The following ATP6V1A variants were observed in gnomAD, a reference collection of about 807,000 sequenced individuals.
ATP6V1A encodes the protein ATPase H+ transporting V1 subunit A.
Under a neutral mutation model 70.1 loss-of-function variants are expected in ATP6V1A, and 18 were observed. That is an observed-to-expected ratio of 0.26 (90% CI 0.18 to 0.38). The LOEUF is 0.38. Ranked by LOEUF, ATP6V1A falls within the 10% of genes least tolerant of loss-of-function variation. The pLI is 1.00. For missense variants in ATP6V1A, 424 were observed against 772.4 expected (o/e 0.55, Z 5.35); for synonymous variants, 232 against 253.8 (o/e 0.91, Z 0.82).
chr3:113,751,426 A>ATT (rs1458457323), intron 1 of ATP6V1A, among the ~76,000 whole-genome samples: 1 of 151,778 alleles, frequency 6.6e-6, no homozygotes, highest in African/African-American at 2.4e-5. Context: ...TGTCTTAAGG[A>ATT]AAGATTTTAT....
intron 6 of ATP6V1A, among the ~76,000 whole-genome samples, chr3:113,786,703 CTTTTCTGGAAAAATTAAA>C (rs983691502): frequency 6.7e-5 from 10 of 150,242 alleles, no homozygotes; most frequent in Non-Finnish European, 1.5e-4. Context: ...ATTTCTGAAA[CTTTTCTGGAAAAATTAAA>C]TTTTCTGAAG....
intron 2 of ATP6V1A, among the ~76,000 whole-genome samples, chr3:113,779,853 T>A (rs773487351): frequency 2.0e-4 from 31 of 152,324 alleles, no homozygotes; most frequent in South Asian, 6.2e-4. Context: ...TATTTTATTT[T>A]AAAAATTTTT....
In ATP6V1A at chr3:113,781,134, G is replaced by T; in HGVS notation, c.167G>T (p.Arg56Leu). 1.2e-6 allele frequency: 2 copies of T among 1,613,764 alleles called. No homozygotes were observed. The highest frequency in any genetic ancestry group is 1.1e-5 in the South Asian group (1 of 91,058). The stretch of plus-strand genomic sequence containing the variant: ...AGCGAATTGGTTGGAGAGATTATTC[G>T]ATTGGAGGGTGACATGGCTACTATT... ...GHSELVGEII[R>L]LEGDMATIQV... Residue 56 changes from arginine to leucine, a missense_variant, in exon 3 of 15, where the codon CGA (arginine) becomes CTA (leucine). Physicochemically the swap from Arg to Leu is moderately radical, Grantham distance 102. Transcript: ENST00000273398.
chr3:113,782,062 T>C (rs1018063784), intron 3 of ATP6V1A, among the ~76,000 whole-genome samples: 66 of 152,340 alleles, frequency 4.3e-4, no homozygotes, highest in African/African-American at 1.5e-3. Context: ...TGCTTCTATA[T>C]GTGTTTTACT....
chr3:113,760,997 G>T (rs374725030), intron 1 of ATP6V1A, among the ~76,000 whole-genome samples: 129 of 151,784 alleles, frequency 8.5e-4, no homozygotes, highest in African/African-American at 2.9e-3. Context: ...AATCCGGGAG[G>T]GGGAGGTTGC....
intron 1 of ATP6V1A, among the ~76,000 whole-genome samples, chr3:113,750,661 C>T (rs1171798914): frequency 6.6e-6 from 1 of 152,114 alleles, no homozygotes; most frequent in African/African-American, 2.4e-5. Context: ...AGTTTTCTCA[C>T]GTTTAAATCT....
In ATP6V1A at chr3:113,803,641, A is replaced by G; in HGVS notation, c.1553A>G (p.Asp518Gly). The change falls in exon 13 of 15, where the codon GAT becomes GGT. Residue 518 changes from aspartate (D) to glycine (G), a missense_variant. By Grantham distance (94) the Asp-to-Gly change is moderately conservative. Coordinates refer to ENST00000273398, the MANE Select transcript of ATP6V1A (RefSeq NM_001690.4). ...GAGGTAGCAAAACTTATCAAAGATG[A>G]TTTCCTACAACAAAATGGATATACT... ...TLEVAKLIKD[D>G]FLQQNGYTPY... 1 of 1,611,328 alleles carries G rather than the reference A, an allele frequency of 6.2e-7. No individual in the cohort carries two copies. The highest frequency in any genetic ancestry group is 8.5e-7 in the Non-Finnish European group (1 of 1,177,818).
intron 3 of ATP6V1A, among the ~76,000 whole-genome samples, chr3:113,782,874 G>T (rs143000163): frequency 1.3e-5 from 2 of 151,604 alleles, no homozygotes; most frequent in African/African-American, 4.8e-5. Context: ...CACCTGCCCC[G>T]GCCTCCCAAG....
At chr3:113,808,061 T>G (rs1709296790) in intron 14 of ATP6V1A, among the ~76,000 whole-genome samples, 1 of 146,300 alleles carries the variant, frequency 6.8e-6, no homozygotes. Context: ...GCCCGGGAGG[T>G]GGAGGTTGCG....
At chr3:113,797,394 C>T (rs1371707699) in intron 11 of ATP6V1A, among the ~76,000 whole-genome samples, 2 of 151,776 alleles carry the variant, frequency 1.3e-5, no homozygotes, top group Non-Finnish European at 2.9e-5. Flanking sequence ...GCTGGCATTA[C>T]AGGCATGCGC....
intron 1 of ATP6V1A, among the ~76,000 whole-genome samples, chr3:113,774,310 A>G (rs115659491): frequency 7.5e-4 from 115 of 152,324 alleles, no homozygotes; most frequent in African/African-American, 2.7e-3. Flanking sequence ...TGGACACTTT[A>G]GAAAAAAGGC....
chr3:113,770,596 T>G (rs1203914175), intron 1 of ATP6V1A, among the ~76,000 whole-genome samples: 2 of 152,010 alleles, frequency 1.3e-5, no homozygotes, highest in African/African-American at 2.4e-5. Context: ...CAAGAATCGC[T>G]TGAACCCGGA....
In ATP6V1A at chr3:113,809,360, A is replaced by C. The variant is rs778486139; in HGVS notation, c.1787A>C (p.Lys596Thr). Residue 596 changes from lysine to threonine, a missense_variant, in exon 15 of 15, where the codon AAG (lysine) becomes ACG (threonine). Coordinates refer to ENST00000273398, the MANE Select transcript of ATP6V1A (RefSeq NM_001690.4). ...GATCCACTGAAAGATGGTGAGGCAA[A>C]GATCAAAAGCGACTATGCACAACTT... is the stretch of plus-strand genomic sequence containing the variant. ...FKDPLKDGEAKIKSDYAQLLE... is the reference protein window; with the variant it reads ...FKDPLKDGEATIKSDYAQLLE... 4.3e-6 allele frequency: 7 copies of C among 1,613,614 alleles called. No individual in the cohort carries two copies. In the Admixed American group the frequency reaches 1.0e-4, roughly 23 times the overall value.
At chr3:113,771,523 C>T (rs1291286734) in intron 1 of ATP6V1A, among the ~76,000 whole-genome samples, 8 of 150,458 alleles carry the variant, frequency 5.3e-5, no homozygotes, top group Non-Finnish European at 1.2e-4. Flanking sequence ...CTGCAAGCTC[C>T]GCCTCCCGGG....
At chr3:113,762,737 A>G (rs576686931) in intron 1 of ATP6V1A, among the ~76,000 whole-genome samples, 1 of 152,312 alleles carries the variant, frequency 6.6e-6, no homozygotes, top group Non-Finnish European at 1.5e-5. Flanking sequence ...TATTTAACAT[A>G]AGAAATTTCA....
intron 1 of ATP6V1A, among the ~76,000 whole-genome samples, chr3:113,769,863 C>T (rs1399447460): frequency 7.9e-5 from 12 of 152,132 alleles, no homozygotes; most frequent in Non-Finnish European, 2.9e-5. Flanking sequence ...TAATTTGTAA[C>T]CAAAGAATCT....
intron 1 of ATP6V1A, among the ~76,000 whole-genome samples, chr3:113,752,591 C>T (rs1030041475): frequency 6.6e-6 from 1 of 151,856 alleles, no homozygotes; most frequent in African/African-American, 2.4e-5. Flanking sequence ...AATGTTTTGT[C>T]TCATCCAGGT....
At chr3:113,768,777 G>A (rs1034287746) in intron 1 of ATP6V1A, among the ~76,000 whole-genome samples, 5 of 151,906 alleles carry the variant, frequency 3.3e-5, no homozygotes, top group African/African-American at 9.7e-5. Context: ...TGTATTTTTA[G>A]TAGAGATGGG....
intron 7 of ATP6V1A, 83 bp from the exon 8 acceptor site, chr3:113,789,649 G>A: frequency 9.8e-7 from 1 of 1,019,254 alleles, no homozygotes; most frequent in South Asian, 1.5e-5. Context: ...ATGGGCAAAA[G>A]TTTAAAAAAA....
Sources: gnomAD v4.1 joint callset for allele counts (sites outside exome capture counted in the v4.1 genomes callset) on GRCh38, gnomAD v4.1.1 for gene constraint, MANE v1.5 for transcripts, NCBI Gene and HGNC (gene_info 2026-07-23, HGNC 2026-07-21) for gene names.